The following BAZ1A variants were observed in gnomAD, a reference collection of about 807,000 sequenced individuals.
BAZ1A encodes the protein bromodomain adjacent to zinc finger domain 1A, also known as bromodomain adjacent to zinc finger domain protein 1A.
Under a neutral mutation model 185.2 loss-of-function variants are expected in BAZ1A, and 50 were observed. The observed-to-expected ratio is 0.27, with a 90% confidence interval of 0.22 to 0.34. BAZ1A has a LOEUF of 0.34. Among genes scored for constraint, BAZ1A ranks in the 10% least tolerant of loss-of-function variants. BAZ1A has a pLI of 1.00. For missense variants in BAZ1A, 1,356 were observed against 1,839.9 expected (o/e 0.74, Z 4.81); for synonymous variants, 571 against 615.6 (o/e 0.93, Z 1.07).
rs558814424 is a variant in BAZ1A, at chr14:34,863,990, A to AT, written c.114-1669dup. Among the ~76,000 whole-genome samples the AT allele has an allele frequency of 1.3e-4, 19 of 151,744 alleles. No individual in the cohort carries two copies. The East Asian group carries it at 1.9e-3, about 15-fold the overall frequency. On this transcript the variant is annotated intron_variant, in intron 2 of 26. Coordinates refer to ENST00000360310, the MANE Select transcript of BAZ1A (RefSeq NM_013448.3). ...AGGTGCACACCAGGACACTCACCTAATTTTTTTGAGAGTGTAGAGATGGGG... is the reference window on the plus strand; with the variant it reads ...AGGTGCACACCAGGACACTCACCTAATTTTTTTTGAGAGTGTAGAGATGGGG...
intron 4 of BAZ1A, among the ~76,000 whole-genome samples, chr14:34,817,135 A>G (rs916591033): frequency 7.2e-5 from 11 of 152,324 alleles, no homozygotes; most frequent in Non-Finnish European, 1.5e-4. Context: ...TGTTTCTAAA[A>G]TGCAGCCCAA....
rs148918648 is a variant in BAZ1A, at chr14:34,803,289, G to C, written c.727-301C>G. Among the ~76,000 whole-genome samples the C allele has an allele frequency of 1.4e-3, 207 of 148,816 alleles. 1 individual carries two copies. Among genetic ancestry groups the C allele is most frequent in the African/African-American group, 4.7e-3 (190 of 40,598 alleles). ...AGGTACTCGGGAGGCTGAGGCAGGAGAATCACTTGAATCTGGGAGGTGGAG... is the reference window on the plus strand; with the variant it reads ...AGGTACTCGGGAGGCTGAGGCAGGACAATCACTTGAATCTGGGAGGTGGAG... On this transcript the variant is annotated intron_variant, in intron 6 of 26. Coordinates refer to ENST00000360310, the MANE Select transcript of BAZ1A (RefSeq NM_013448.3).
chr14:34,754,814 A>T lies in BAZ1A; in HGVS notation c.4474+13T>A, dbSNP rs764228973. On this transcript the variant is annotated intron_variant, in intron 26 of 26. Transcript: ENST00000360310. The stretch of plus-strand genomic sequence containing the variant: ...AGAAAAATAAATATCAAAGAAAAAC[A>T]TAAATTACTTACATGCTAATTTATA... 1 of 1,518,050 alleles carries T rather than the reference A, an allele frequency of 6.6e-7. No homozygotes were observed. Among genetic ancestry groups the T allele is most frequent in the Non-Finnish European group, 9.0e-7 (1 of 1,114,680 alleles). The allele number at this position is 1,518,050 out of a possible 1,614,324, so 94.0% of individuals were successfully genotyped here.
intron 3 of BAZ1A, among the ~76,000 whole-genome samples, chr14:34,839,423 C>G (rs1298673076): frequency 6.6e-6 from 1 of 151,454 alleles, no homozygotes; most frequent in Non-Finnish European, 1.5e-5. Context: ...CCTGTAGTCC[C>G]AGTTACTTAG....
intron 14 of BAZ1A, among the ~76,000 whole-genome samples, 196 bp downstream of exon 14, chr14:34,785,581 C>T (rs549464775): frequency 2.6e-5 from 4 of 152,118 alleles, no homozygotes; most frequent in Admixed American, 6.6e-5. Context: ...ACTAATCATA[C>T]GTTTAAAAAT....
intron 21 of BAZ1A, among the ~76,000 whole-genome samples, chr14:34,769,008 A>T (rs1879037639): frequency 6.6e-6 from 1 of 152,164 alleles, no homozygotes; most frequent in South Asian, 2.1e-4. Flanking sequence ...GTAGAACGTA[A>T]GTAGAATTTT....
chr14:34,824,040 A>T (rs2042125586), intron 4 of BAZ1A, among the ~76,000 whole-genome samples: 2 of 152,074 alleles, frequency 1.3e-5, no homozygotes, highest in South Asian at 4.2e-4. Flanking sequence ...AATGGAAGAC[A>T]TGGACAAGTA....
Position 34,836,175 on chromosome 14 carries a change from C to T in BAZ1A, c.393-10019G>A, listed in dbSNP as rs377110603. ...CGGGCGGATCACGAGGTCAGGAGAT[C>T]GAGACCATCCTGGCTAACACGGTGA... is the stretch of plus-strand genomic sequence containing the variant. On this transcript the variant is annotated intron_variant, in intron 3 of 26. Coordinates refer to ENST00000360310, the MANE Select transcript of BAZ1A (RefSeq NM_013448.3). Among the ~76,000 whole-genome samples, 3 of 27,622 alleles carry T rather than the reference C, an allele frequency of 1.1e-4. 1 individual carries two copies. The East Asian group carries it at 2.2e-3, about 21-fold the overall frequency. The allele number at this position is 27,622 out of a possible 152,430, so 18.1% of individuals were successfully genotyped here.
intron 21 of BAZ1A, chr14:34,768,733 C>CA (rs761015967): frequency 2.7e-6 from 1 of 377,310 alleles, no homozygotes; most frequent in Non-Finnish European, 5.3e-6. Context: ...TTTTCTTGTC[C>CA]TTTTTTTTTT....
At chr14:34,865,740 A>G (rs974341270) in intron 2 of BAZ1A, among the ~76,000 whole-genome samples, 4 of 152,224 alleles carry the variant, frequency 2.6e-5, no homozygotes, top group Non-Finnish European at 5.9e-5. Context: ...TAATCGGTGT[A>G]TATCATCAAA....
chr14:34,855,684 G>A (rs1429566989), intron 3 of BAZ1A, among the ~76,000 whole-genome samples: 5 of 152,124 alleles, frequency 3.3e-5, no homozygotes, highest in Non-Finnish European at 7.3e-5. Context: ...CTTGAGCCCA[G>A]GAGTTCAAGA....
chr14:34,861,161 G>T (rs967158524), intron 3 of BAZ1A, among the ~76,000 whole-genome samples: 14 of 152,032 alleles, frequency 9.2e-5, no homozygotes, highest in African/African-American at 3.4e-4. Flanking sequence ...TTTGTATTCA[G>T]GTCAATAATG....
chr14:34,810,226 T>C (rs529437246), intron 5 of BAZ1A, among the ~76,000 whole-genome samples: 12 of 152,318 alleles, frequency 7.9e-5, no homozygotes, highest in African/African-American at 2.6e-4. Flanking sequence ...CTGGCTGATA[T>C]CATCTTGCTT....
At chr14:34,790,435 C>T (rs1180752457) in intron 12 of BAZ1A, among the ~76,000 whole-genome samples, 1 of 152,162 alleles carries the variant, frequency 6.6e-6, no homozygotes, top group Non-Finnish European at 1.5e-5. Flanking sequence ...ATCACTGCAA[C>T]CTCTGCCTCC....
intron 20 of BAZ1A, among the ~76,000 whole-genome samples, chr14:34,772,243 T>C (rs1264511820): frequency 1.3e-5 from 2 of 152,086 alleles, no homozygotes; most frequent in Non-Finnish European, 2.9e-5. Flanking sequence ...TGTCAGCCAC[T>C]GCGCCTGGCC....
chr14:34,778,882 C>T (rs10872891), intron 17 of BAZ1A, among the ~76,000 whole-genome samples: 115,349 of 152,130 alleles, frequency 0.76, 44,851 homozygotes, highest in East Asian at 0.97. Context: ...TGAGAAAGGA[C>T]CTTGCTCTGT....
chr14:34,825,447 CAA>C (rs35449855), intron 4 of BAZ1A, among the ~76,000 whole-genome samples: 64 of 55,384 alleles, frequency 1.2e-3, no homozygotes, highest in Non-Finnish European at 7.4e-4. Context: ...AACTCTGTCT[CAA>C]AAAAAAAAAA....
At chr14:34,808,936 G>A (rs563403578) in intron 5 of BAZ1A, among the ~76,000 whole-genome samples, 72 of 152,282 alleles carry the variant, frequency 4.7e-4, no homozygotes, top group Admixed American at 1.3e-3. Context: ...TCCCAAAAAT[G>A]TATACAGTTA....
chr14:34,774,187 TAA>T, intron 19 of BAZ1A, 138 bp downstream of exon 19: 1 of 622,844 alleles, frequency 1.6e-6, no homozygotes, highest in Non-Finnish European at 2.5e-6. Flanking sequence ...GGAATAAACT[TAA>T]GTTTTCATAA....
Sources: allele counts gnomAD v4.1 joint callset (sites outside exome capture counted in the v4.1 genomes callset), GRCh38; gene constraint gnomAD v4.1.1; transcripts MANE v1.5; gene names NCBI Gene and HGNC (gene_info 2026-07-23, HGNC 2026-07-21).